The following NEB variants were observed in gnomAD, a reference collection of about 807,000 sequenced individuals.
NEB encodes the protein nemaline myopathy type 2.
Under a neutral mutation model 952.2 loss-of-function variants are expected in NEB, and 512 were observed. The observed-to-expected ratio is 0.54, with a 90% CI of 0.50 to 0.58. The LOEUF (loss-of-function observed/expected upper bound fraction) is 0.58, where lower values mean the gene tolerates loss of function less well. Ranked by LOEUF, NEB falls within the 20% of genes least tolerant of loss-of-function variation. NEB has a pLI of 0.00. For synonymous variants in NEB, 2,900 were observed against 3,149.8 expected (o/e 0.92, Z 2.66); for missense variants, 8,428 against 9,231.1 (o/e 0.91, Z 3.56).
At chr2:151,553,546 A>G in intron 126 of NEB, 44 bp from the exon 127 acceptor site, 1 of 1,368,394 alleles carries the variant, frequency 7.3e-7, no homozygotes, top group Non-Finnish European at 1.0e-6. Context: ...AAAATTGACC[A>G]TAATAACTTT....
chr2:151,517,194 A>T (rs568110378), intron 156 of NEB, among the ~76,000 whole-genome samples: 12 of 152,318 alleles, frequency 7.9e-5, no homozygotes, highest in Admixed American at 1.3e-4. Context: ...TATAAATAAA[A>T]TTTTCTCATC....
intron 177 of NEB, 32 bp from the exon 178 acceptor site, chr2:151,492,313 A>G: frequency 6.2e-7 from 1 of 1,602,950 alleles, no homozygotes; most frequent in Non-Finnish European, 8.5e-7. Flanking sequence ...TTATGAAAAT[A>G]TGATGGTGTG....
chr2:151,529,154 G>T, intron 146 of NEB, 56 bp downstream of exon 146: 1 of 1,177,992 alleles, frequency 8.5e-7, no homozygotes, highest in Non-Finnish European at 1.3e-6. Flanking sequence ...GAGGCCATGT[G>T]TCCTACAGAA....
intron 165 of NEB, 38 bp from the exon 166 acceptor site, chr2:151,503,479 G>A (rs1345357128): frequency 2.1e-6 from 3 of 1,419,912 alleles, no homozygotes; most frequent in Admixed American, 3.4e-5. Context: ...AAGGTAAAAT[G>A]ACCGTAAATC....
rs2099387281 is a variant in NEB at position 151,678,246 on chromosome 2, A to G, written c.3256-59T>C. The G allele has an allele frequency of 3.0e-5, 33 of 1,099,292 alleles. 2 individuals are homozygous for G. In the South Asian group the frequency reaches 5.6e-4, roughly 19 times the overall value. 68.1% of individuals were successfully genotyped at this position (1,099,292 alleles called of 1,614,324 possible). A position where few individuals can be genotyped will look rare whatever the true frequency, so the allele number is the denominator to read the frequency against. On this transcript the variant is annotated intron_variant, in intron 32 of 181. Coordinates refer to ENST00000397345, the MANE Select transcript of NEB (RefSeq NM_001164508.2). ...GTAGTTTTGAGGGCTTTACTAAACA[A>G]TGAGGCCATGATTTGAAGTAATTGA...
intron 147 of NEB, among the ~76,000 whole-genome samples, 195 bp downstream of exon 147, chr2:151,527,286 C>T (rs1157750758): frequency 2.0e-5 from 3 of 152,158 alleles, no homozygotes; most frequent in Non-Finnish European, 4.4e-5. Flanking sequence ...CCAGGCCCAG[C>T]CAAAGGAGAA....
intron 29 of NEB, among the ~76,000 whole-genome samples, chr2:151,682,318 TTAATG>T (rs1313343028): frequency 6.6e-6 from 1 of 152,190 alleles, no homozygotes; most frequent in African/African-American, 2.4e-5. Context: ...AAGTGTACAC[TTAATG>T]TGAGTTACTT....
Position 151,485,664 on chromosome 2 carries a change from G to T in NEB, c.*96C>A. On this transcript the variant is annotated 3_prime_UTR_variant, in exon 182 of 182. Coordinates refer to ENST00000397345, the MANE Select transcript of NEB (RefSeq NM_001164508.2). ...TCACATTGACACAGAAAAACCATAG[G>T]CAGCTTGAGAACTTAGGTAACAGTG... The T allele has an allele frequency of 8.3e-7, 1 of 1,209,084 alleles. No individual in the cohort carries two copies. Among genetic ancestry groups the T allele is most frequent in the Non-Finnish European group, 1.1e-6 (1 of 876,988 alleles). 74.9% of individuals were successfully genotyped at this position (1,209,084 alleles called of 1,614,324 possible).
At position 151,621,017 on chromosome 2, in the gene NEB, G is replaced by A. The variant is rs765175171; in HGVS notation, c.10462C>T (p.Arg3488Cys). 1.7e-5 allele frequency: 28 copies of A among 1,607,290 alleles called. No homozygotes were observed. In the East Asian group the frequency reaches 2.0e-4, roughly 12 times the overall value. The stretch of plus-strand genomic sequence containing the variant: ...TTCTTGGCTTCTTCCATGGCCTGAC[G>A]ATAGAGGCTCTGAGGAAAGAAGGAG... ...NKINYSESLYRQAMEEAKKEG... is the reference protein window; with the variant it reads ...NKINYSESLYCQAMEEAKKEG... Residue 3488 changes from arginine (R) to cysteine (C), a missense_variant, in exon 72 of 182, where the codon CGT becomes TGT. Physicochemically the swap from Arg to Cys is radical, Grantham distance 180 (BLOSUM62 -3). Coordinates refer to ENST00000397345, the MANE Select transcript of NEB (RefSeq NM_001164508.2).
intron 144 of NEB, 46 bp downstream of exon 144, chr2:151,531,726 AATGCCCCTCCATGTTTGCAG>A (rs1444673745): frequency 7.3e-6 from 9 of 1,234,808 alleles, no homozygotes; most frequent in African/African-American, 1.5e-5. Context: ...GACAATTTAA[AATGCCCCTCCATGTTTGCAG>A]ATGCCCCCTG....
intron 30 of NEB, 63 bp from the exon 31 acceptor site, chr2:151,680,085 A>G (rs2099403100): frequency 8.3e-7 from 1 of 1,210,550 alleles, no homozygotes. Flanking sequence ...ATGGCACCAG[A>G]AAATAATTTC....
At chr2:151,639,775 T>G in intron 62 of NEB, 82 bp downstream of exon 62, 1 of 1,221,866 alleles carries the variant, frequency 8.2e-7, no homozygotes, top group Non-Finnish European at 1.1e-6. Flanking sequence ...TTACTCAATG[T>G]TCTTTCTTTC....
At chr2:151,698,572 G>C (rs1364063224) in intron 13 of NEB, among the ~76,000 whole-genome samples, 1 of 151,006 alleles carries the variant, frequency 6.6e-6, no homozygotes, top group Admixed American at 6.6e-5. Context: ...TTTTCTTTCT[G>C]ATTTCTCTCT....
At chr2:151,620,811 C>A in intron 72 of NEB, 108 bp downstream of exon 72, 1 of 773,154 alleles carries the variant, frequency 1.3e-6, no homozygotes, top group Non-Finnish European at 2.1e-6. Context: ...AGTATATTTG[C>A]CTATGCACTG....
At chr2:151,667,762 G>A (rs367588710) in intron 40 of NEB, 42 bp downstream of exon 40, 1 of 1,522,458 alleles carries the variant, frequency 6.6e-7, no homozygotes, top group Non-Finnish European at 9.1e-7. Context: ...AACTCCTGAA[G>A]TCTTTTAGAT....
At chr2:151,646,692 C>T (rs1169562767) in intron 54 of NEB, among the ~76,000 whole-genome samples, 1 of 152,194 alleles carries the variant, frequency 6.6e-6, no homozygotes, top group Non-Finnish European at 1.5e-5. Context: ...CACTGCTGCC[C>T]AGGCTGGAGT....
At chr2:151,490,237 C>G in intron 180 of NEB, 135 bp downstream of exon 180, 1 of 1,237,368 alleles carries the variant, frequency 8.1e-7, no homozygotes, top group Non-Finnish European at 1.1e-6. Flanking sequence ...CAGCCCTCCA[C>G]AATTCTAGTC....
At chr2:151,728,778 A>ATTC (rs2099798047) in intron 4 of NEB, among the ~76,000 whole-genome samples, 1 of 152,216 alleles carries the variant, frequency 6.6e-6, no homozygotes. Context: ...GTACCAAAGA[A>ATTC]TTCTAGCATC....
At chr2:151,551,944 C>G in intron 128 of NEB, 99 bp from the exon 129 acceptor site, 1 of 783,670 alleles carries the variant, frequency 1.3e-6, no homozygotes, top group Non-Finnish European at 2.1e-6. Flanking sequence ...GCCTGGAGAA[C>G]TCATCTGACA....
Sources: allele counts gnomAD v4.1 joint callset (sites outside exome capture counted in the v4.1 genomes callset), GRCh38; gene constraint gnomAD v4.1.1; transcripts MANE v1.5; gene names NCBI Gene and HGNC (gene_info 2026-07-23, HGNC 2026-07-21).